PRICKLE2: variants seen among roughly 807,000 people sequenced by gnomAD.
PRICKLE2 encodes the protein prickle-like protein 2.
In PRICKLE2, 21 loss-of-function variants were observed where a neutral mutation model predicts 81.4. The ratio of observed to expected loss-of-function variants is 0.26; its 90% CI spans 0.18 to 0.37. PRICKLE2 has a LOEUF of 0.37. PRICKLE2 is among the 10% of genes least tolerant of loss of function. The probability of loss-of-function intolerance (pLI) is 1.00; values close to 1 mark genes in which losing one functional copy is unlikely to be tolerated. For missense variants in PRICKLE2, 940 were observed against 1,109.0 expected, an observed-to-expected ratio of 0.85 and a Z score of 2.16; for synonymous variants, 456 against 421.5, an observed-to-expected ratio of 1.08 and a Z score of -1.00.
intron 1 of PRICKLE2, among the ~76,000 whole-genome samples, chr3:64,207,357 A>G (rs1211860616): frequency 6.6e-6 from 1 of 152,196 alleles, no homozygotes; most frequent in East Asian, 1.9e-4. Flanking sequence ...AGAGTAAAAA[A>G]TTTTCAAAAC....
intron 2 of PRICKLE2, among the ~76,000 whole-genome samples, chr3:64,255,474 C>T (rs2079512591): frequency 1.3e-5 from 2 of 152,096 alleles, no homozygotes; most frequent in African/African-American, 4.8e-5. Flanking sequence ...CAAATCAAGA[C>T]CACACCTCAT....
intron 5 of PRICKLE2, among the ~76,000 whole-genome samples, chr3:64,155,601 AG>A (rs1247090243): frequency 6.6e-6 from 1 of 152,252 alleles, no homozygotes; most frequent in Non-Finnish European, 1.5e-5. Context: ...CGTTGTTTAG[AG>A]TAGCCAAAAA....
chr3:64,099,133 A>C lies in PRICKLE2; in HGVS notation c.2453T>G (p.Leu818Arg). The C allele has an allele frequency of 6.2e-7, 1 of 1,614,152 alleles. No homozygotes were observed. The highest frequency in any genetic ancestry group is 8.5e-7 in the Non-Finnish European group (1 of 1,180,022). ...ELLHKYSSYG[L>R]PKSSTLGGRG... The stretch of plus-strand genomic sequence containing the variant: ...GCCACCTAATGTGGAAGATTTGGGG[A>C]GGCCGTAGGAGCTGTATTTGTGCAG... The change falls in exon 8 of 8, where the codon CTC becomes CGC. Residue 818 changes from leucine to arginine, a missense_variant. By Grantham distance (102) the Leu-to-Arg change is moderately radical (BLOSUM62 -2). Around this residue, in one of 2 missense-constraint regions of PRICKLE2, gnomAD observed 670 missense variants for 717.2 expected, o/e 0.93. Transcript: ENST00000638394. This position sits in a 1 kb window ranked among gnomAD's most constrained non-coding sequence, Gnocchi z 4.3.
rs542767760 is a variant in PRICKLE2, at chr3:64,098,090, A to G, written c.*961T>C. 5.2e-5 allele frequency: 8 copies of G among 152,824 alleles called. No individual in the cohort carries two copies. The highest frequency in any genetic ancestry group is 4.6e-4 in the Admixed American group (7 of 15,300). The allele number at this position is 152,824 out of a possible 1,614,324, so 9.5% of individuals were successfully genotyped here. On this transcript the variant is annotated 3_prime_UTR_variant, in exon 8 of 8. Coordinates refer to ENST00000638394, the MANE Select transcript of PRICKLE2 (RefSeq NM_198859.4). ...ATCCAGGAAACATGAGCACCAGAACATAATGCCACATTCAAAACAACGTCA... is the reference window on the plus strand; with the variant it reads ...ATCCAGGAAACATGAGCACCAGAACGTAATGCCACATTCAAAACAACGTCA...
intron 1 of PRICKLE2, chr3:64,199,207 T>C: frequency 1.7e-6 from 1 of 596,586 alleles, no homozygotes; most frequent in Non-Finnish European, 3.0e-6. Context: ...TAAGGGTGTT[T>C]ACATGTGGAC....
At chr3:64,136,822 T>C (rs1026570382) in intron 7 of PRICKLE2, among the ~76,000 whole-genome samples, 3 of 152,188 alleles carry the variant, frequency 2.0e-5, no homozygotes, top group Non-Finnish European at 2.9e-5. Flanking sequence ...ATTTTGTTGA[T>C]GGCAGACAAA....
At chr3:64,100,452 C>T (rs1251655979) in intron 7 of PRICKLE2, 2 of 158,340 alleles carry the variant, frequency 1.3e-5, no homozygotes, top group Non-Finnish European at 2.8e-5. Context: ...TGCCTGCTGT[C>T]CCTAAGTGGC....
chr3:64,193,814 C>G (rs1243895429), intron 2 of PRICKLE2, among the ~76,000 whole-genome samples: 1 of 152,220 alleles, frequency 6.6e-6, no homozygotes, highest in East Asian at 1.9e-4. Flanking sequence ...TCTTTGCTTG[C>G]TGCCGTCCAT....
intron 2 of PRICKLE2, among the ~76,000 whole-genome samples, chr3:64,236,838 G>A (rs1370242702): frequency 2.0e-5 from 3 of 152,216 alleles, no homozygotes; most frequent in Non-Finnish European, 4.4e-5. Context: ...TCTTCACAAA[G>A]CACTTTGTAT....
chr3:64,268,167 C>T (rs1380109974), intron 2 of PRICKLE2: 1 of 152,450 alleles, frequency 6.6e-6, no homozygotes, highest in Non-Finnish European at 1.5e-5. Flanking sequence ...GAGAGGAGCT[C>T]CAAGCTCTCT....
intron 2 of PRICKLE2, among the ~76,000 whole-genome samples, chr3:64,242,679 C>A (rs2079285215): frequency 6.6e-6 from 1 of 152,270 alleles, no homozygotes; most frequent in Non-Finnish European, 1.5e-5. Context: ...CCTACACTCA[C>A]ATTGGGCCAT....
rs909736293 is a variant in PRICKLE2 at position 64,096,585 on chromosome 3, A to G, written c.*2466T>C. 6.6e-6 allele frequency: 1 copy of G among 152,228 alleles called. No individual in the cohort carries two copies. The highest frequency in any genetic ancestry group is 1.5e-5 in the Non-Finnish European group (1 of 68,054). 9.4% of individuals were successfully genotyped at this position (152,228 alleles called of 1,614,324 possible). ...AATTGAGGGAGGTAATCTTGCTAGT[A>G]GACAGTTTTACCCTGAAGCTTGTAT... On this transcript the variant is annotated 3_prime_UTR_variant, in exon 8 of 8. Transcript: ENST00000638394.
Position 64,099,656 on chromosome 3 carries a change from C to G in PRICKLE2, c.1930G>C (p.Asp644His), listed in dbSNP as rs745985191. Residue 644 changes from aspartate (D) to histidine (H), a missense_variant, in exon 8 of 8, where the codon GAT becomes CAT. By Grantham distance (81) the Asp-to-His change is moderately conservative. This residue lies in a region of PRICKLE2 where 670 missense variants were observed against 717.2 expected (regional missense o/e 0.93). Transcript: ENST00000638394. This position sits in a 1 kb window ranked among gnomAD's most constrained non-coding sequence, Gnocchi z 4.3. ...QSHGRMHQSF[D>H]FDGGMAGSKL... Reference sequence around the variant, plus strand: ...CTGCCCGCCATCCCTCCATCAAAATCAAAGCTCTGATGCATCCTTCCGTGG... The same window carrying G: ...CTGCCCGCCATCCCTCCATCAAAATGAAAGCTCTGATGCATCCTTCCGTGG... The G allele has an allele frequency of 6.2e-7, 1 of 1,614,080 alleles. No homozygotes were observed. Among genetic ancestry groups the G allele is most frequent in the African/African-American group, 1.3e-5 (1 of 74,950 alleles).
rs535834773 is a variant in PRICKLE2, at chr3:64,153,225, C to T, written c.744G>A (p.Glu248=). 1.2e-6 allele frequency: 2 copies of T among 1,614,214 alleles called. No homozygotes were observed. The highest frequency in any genetic ancestry group is 1.3e-5 in the African/African-American group (1 of 75,054). Residue 248 remains glutamate (E), a synonymous_variant, in exon 6 of 8, where the codon GAG becomes GAA. Coordinates refer to ENST00000638394, the MANE Select transcript of PRICKLE2 (RefSeq NM_198859.4). ...TGTCACAATATTCTGCATACAAGGA[C>T]TCGAAGCAGTGGCAACAGTAGGGTC... ...EGRPYCCHCF[E]SLYAEYCDTC... is the part of the protein sequence containing the mutation.
rs1230196393 is a variant in PRICKLE2 at position 64,099,380 on chromosome 3, T to C, written c.2206A>G (p.Met736Val). 1 of 1,609,028 alleles carries C rather than the reference T, an allele frequency of 6.2e-7. No individual in the cohort carries two copies. Among genetic ancestry groups the C allele is most frequent in the Admixed American group, 1.7e-5 (1 of 59,766 alleles). Residue 736 changes from methionine to valine, a missense_variant, in exon 8 of 8, where the codon ATG (methionine) becomes GTG (valine). Physicochemically the swap from Met to Val is conservative, Grantham distance 21 (BLOSUM62 1). Coordinates refer to ENST00000638394, the MANE Select transcript of PRICKLE2 (RefSeq NM_198859.4). This position sits in a 1 kb window ranked among gnomAD's most constrained non-coding sequence, Gnocchi z 4.3. ...AGGTCCCTCCGGGACCCATGCCCCA[T>C]GCTCTCCTGGAAGCTCCGCTGGCGC... The part of the protein sequence containing the change: ...FMRQRSFQES[M>V]GHGSRRDLYG...
chr3:64,141,497 T>A (rs1432581), intron 7 of PRICKLE2, among the ~76,000 whole-genome samples: 2,732 of 152,360 alleles, frequency 0.018, 89 homozygotes, highest in African/African-American at 0.061. Flanking sequence ...CTACTTCTAA[T>A]GCTATGATTA....
intron 2 of PRICKLE2, chr3:64,182,657 A>C (rs1245045395): frequency 6.6e-6 from 1 of 152,180 alleles, no homozygotes; most frequent in Non-Finnish European, 1.5e-5. Flanking sequence ...TGAACATTTC[A>C]GCCTCTGGAA....
At chr3:64,176,329 T>A (rs2078021882) in intron 2 of PRICKLE2, among the ~76,000 whole-genome samples, 1 of 152,374 alleles carries the variant, frequency 6.6e-6, no homozygotes, top group South Asian at 2.1e-4. Flanking sequence ...CTCTTTCTTA[T>A]GTGGAGTCCT....
intron 6 of PRICKLE2, among the ~76,000 whole-genome samples, chr3:64,149,660 C>CT (rs2077512462): frequency 6.6e-6 from 1 of 152,194 alleles, no homozygotes; most frequent in East Asian, 1.9e-4. Context: ...CTTCTGGAGA[C>CT]TTGTCTAAAG....
Sources: gnomAD v4.1 joint callset for allele counts (sites outside exome capture counted in the v4.1 genomes callset) on GRCh38, gnomAD v4.1.1 for gene constraint, gnomAD v4.1.1 regional missense constraint, Gnocchi (gnomAD v3.1) non-coding constraint, MANE v1.5 for transcripts, NCBI Gene and HGNC (gene_info 2026-07-23, HGNC 2026-07-21) for gene names.